Variants in ABHD2 observed in about 807,000 individuals in gnomAD.
The protein encoded by ABHD2 is monoacylglycerol lipase ABHD2.
Under a neutral mutation model 48.1 loss-of-function variants are expected in ABHD2, and 20 were observed. That is an observed-to-expected ratio of 0.42 (90% CI 0.29 to 0.60). The LOEUF is 0.60. Ranked by LOEUF, ABHD2 falls within the 20% of genes least tolerant of loss-of-function variation. The pLI, the probability that ABHD2 is intolerant of heterozygous loss-of-function variation, is 0.24. For synonymous variants in ABHD2, 209 were observed against 214.2 expected (o/e 0.98, Z 0.21); for missense variants, 405 against 550.9 (o/e 0.74, Z 2.65).
chr15:89,138,626 G>GT (rs901729153), intron 3 of ABHD2, among the ~76,000 whole-genome samples: 26 of 151,890 alleles, frequency 1.7e-4, no homozygotes, highest in Admixed American at 1.6e-3. Flanking sequence ...CGAAAGAAAT[G>GT]TTTTTTTTCA....
intron 5 of ABHD2, among the ~76,000 whole-genome samples, chr15:89,170,966 A>T (rs1394409178): frequency 1.3e-5 from 2 of 152,052 alleles, no homozygotes; most frequent in Admixed American, 6.6e-5. Flanking sequence ...AAATACAAAA[A>T]TTAGCCCGGC....
intron 9 of ABHD2, among the ~76,000 whole-genome samples, chr15:89,192,149 G>A (rs1272476852): frequency 2.0e-5 from 3 of 152,142 alleles, no homozygotes; most frequent in Non-Finnish European, 4.4e-5. Context: ...CCACCTGTAG[G>A]TTTGGCCCAT....
At chr15:89,115,422 GTGTGTGTGTT>G (rs1366940115) in intron 2 of ABHD2, among the ~76,000 whole-genome samples, 6 of 75,944 alleles carry the variant, frequency 7.9e-5, no homozygotes, top group African/African-American at 2.9e-4. Context: ...GTGTGTGTGT[GTGTGTGTGTT>G]TTGTATATAA....
At chr15:89,099,568 G>T (rs539114848) in intron 1 of ABHD2, among the ~76,000 whole-genome samples, 1 of 152,030 alleles carries the variant, frequency 6.6e-6, no homozygotes, top group East Asian at 1.9e-4. Flanking sequence ...AGCTATGATT[G>T]CACCACTGCA....
intron 4 of ABHD2, among the ~76,000 whole-genome samples, chr15:89,153,437 T>C (rs1489296207): frequency 6.6e-6 from 1 of 152,242 alleles, no homozygotes; most frequent in African/African-American, 2.4e-5. Flanking sequence ...AAATGTTTTC[T>C]TTCCCTTATT....
chr15:89,164,710 A>G lies in ABHD2; in HGVS notation c.538+9176A>G, dbSNP rs1485918174. Among the ~76,000 whole-genome samples the G allele has an allele frequency of 6.6e-6, 1 of 152,068 alleles. No homozygotes were observed. Among genetic ancestry groups the G allele is most frequent in the East Asian group, 1.9e-4 (1 of 5,176 alleles). ...AAAGGCAGGAGAATCGCTTGAGCCCAGGAGTGCAGTGAGCCAAGATTACGC... is the reference window on the plus strand; with the variant it reads ...AAAGGCAGGAGAATCGCTTGAGCCCGGGAGTGCAGTGAGCCAAGATTACGC... On this transcript the variant is annotated intron_variant, in intron 5 of 10. Coordinates refer to ENST00000352732, the MANE Select transcript of ABHD2 (RefSeq NM_152924.5). The surrounding 1 kb of genome is among the most constrained non-coding windows in gnomAD (Gnocchi z 5.0).
chr15:89,190,240 C>T (rs780798699), intron 8 of ABHD2, among the ~76,000 whole-genome samples: 8 of 152,228 alleles, frequency 5.3e-5, no homozygotes, highest in Non-Finnish European at 1.0e-4. Context: ...TTGAGATCTT[C>T]TGGCCTAGGC....
At chr15:89,142,451 G>A (rs2050419119) in intron 3 of ABHD2, among the ~76,000 whole-genome samples, 1 of 152,192 alleles carries the variant, frequency 6.6e-6, no homozygotes, top group Admixed American at 6.5e-5. Context: ...TGCAAAGGGA[G>A]AGGCCCCAGG....
At position 89,116,488 on chromosome 15, in the gene ABHD2, T is replaced by G. The variant is rs774222689; in HGVS notation, c.161T>G (p.Phe54Cys). Residue 54 changes from phenylalanine (F) to cysteine (C), a missense_variant, in exon 3 of 11, where the codon TTT (phenylalanine) becomes TGT (cysteine). Physicochemically the swap from Phe to Cys is radical, Grantham distance 205. Transcript: ENST00000352732. The surrounding 1 kb of genome is among the most constrained non-coding windows in gnomAD (Gnocchi z 4.6). ...LYFQDSGLSR[F>C]LLKSCPLLTK... ...TTCCAGGACTCGGGGCTCTCACGCTTTCTGCTCAAGTCCTGTCCTCTTCTG... is the reference window on the plus strand; with the variant it reads ...TTCCAGGACTCGGGGCTCTCACGCTGTCTGCTCAAGTCCTGTCCTCTTCTG... The G allele has an allele frequency of 6.8e-6, 11 of 1,614,196 alleles. No individual in the cohort carries two copies. Among genetic ancestry groups the G allele is most frequent in the Non-Finnish European group, 8.5e-6 (10 of 1,180,002 alleles).
At chr15:89,136,967 T>G (rs1567085084) in intron 3 of ABHD2, among the ~76,000 whole-genome samples, 1 of 152,230 alleles carries the variant, frequency 6.6e-6, no homozygotes, top group Non-Finnish European at 1.5e-5. Flanking sequence ...GTTCTGAGCG[T>G]CAGCGTACAT....
intron 1 of ABHD2, among the ~76,000 whole-genome samples, chr15:89,111,766 A>G (rs932509529): frequency 2.0e-5 from 3 of 152,234 alleles, no homozygotes; most frequent in African/African-American, 7.2e-5. Context: ...ATCTTTCCCT[A>G]TGCATATAGA....
chr15:89,076,376 T>C, the ABHD2 span, among the ~76,000 whole-genome samples: 4 of 152,228 alleles, frequency 2.6e-5, no homozygotes, highest in Admixed American at 1.3e-4. Context: ...TATGTCAATA[T>C]GTATCTCTGA....
At chr15:89,115,809 C>A (rs577136425) in intron 2 of ABHD2, among the ~76,000 whole-genome samples, 20 of 152,296 alleles carry the variant, frequency 1.3e-4, no homozygotes, top group Admixed American at 3.3e-4. Context: ...GGCAGTACAA[C>A]CACACCTGGT....
chr15:89,056,908 C>CA, the ABHD2 span, among the ~76,000 whole-genome samples: 2 of 87,454 alleles, frequency 2.3e-5, no homozygotes, highest in Non-Finnish European at 2.1e-5. Flanking sequence ...TAAGTGATAC[C>CA]TTTTTTTTTT....
intron 3 of ABHD2, among the ~76,000 whole-genome samples, chr15:89,121,686 A>G (rs982204542): frequency 6.6e-6 from 1 of 151,834 alleles, no homozygotes; most frequent in African/African-American, 2.4e-5. Context: ...GCATGAACCT[A>G]CCTGTCCAGC....
In ABHD2 at chr15:89,173,033, A is replaced by G. The variant is rs118084311; in HGVS notation, c.539-2779A>G. On this transcript the variant is annotated intron_variant, in intron 5 of 10. Coordinates refer to ENST00000352732, the MANE Select transcript of ABHD2 (RefSeq NM_152924.5). This position sits in a 1 kb window ranked among gnomAD's most constrained non-coding sequence, Gnocchi z 6.5. ...GGCCACAGGGCCTTTTCACTTAGCC[A>G]TGAGGCCAGGCTGCTCCTTTAAGGC... 1.4e-4 allele frequency among the ~76,000 whole-genome samples: 21 copies of G among 152,340 alleles called. No individual in the cohort carries two copies. In the East Asian group the frequency reaches 3.7e-3, roughly 27 times the overall value.
chr15:89,113,695 C>G (rs1451019000), intron 1 of ABHD2, 30 bp from the exon 2 acceptor site: 1 of 152,178 alleles, frequency 6.6e-6, no homozygotes, highest in East Asian at 1.9e-4. Flanking sequence ...CTTTTTCGTT[C>G]TTTAAAACAT....
chr15:89,117,561 C>G (rs1015012106), intron 3 of ABHD2, among the ~76,000 whole-genome samples: 1 of 152,236 alleles, frequency 6.6e-6, no homozygotes, highest in Non-Finnish European at 1.5e-5. Context: ...CTGCTTCACT[C>G]GCTTTGTGCT....
chr15:89,065,192 C>G, the ABHD2 span, among the ~76,000 whole-genome samples: 1 of 152,132 alleles, frequency 6.6e-6, no homozygotes, highest in Non-Finnish European at 1.5e-5. Context: ...GTGTGATTCT[C>G]CACCTCCTCC....
Sources: allele counts gnomAD v4.1 joint callset (sites outside exome capture counted in the v4.1 genomes callset), GRCh38; gene constraint gnomAD v4.1.1; non-coding constraint Gnocchi (gnomAD v3.1); transcripts MANE v1.5; gene names NCBI Gene and HGNC (gene_info 2026-07-23, HGNC 2026-07-21).